Variants in MFF observed in about 807,000 individuals in gnomAD.
MFF encodes chromosome 2 open reading frame 33.
In MFF, 12 loss-of-function variants were observed where a neutral mutation model predicts 36.9. That is an observed-to-expected ratio of 0.33 (90% CI 0.21 to 0.53). MFF has a LOEUF of 0.53. MFF is among the 20% of genes least tolerant of loss of function. The probability of loss-of-function intolerance (pLI) is 0.95; values close to 1 mark genes in which losing one functional copy is unlikely to be tolerated. For synonymous variants in MFF, 99 were observed against 126.2 expected (o/e 0.78, Z 1.44); for missense variants, 348 against 366.6 (o/e 0.95, Z 0.42).
chr2:227,336,830 C>T (rs6713443), intron 4 of MFF, among the ~76,000 whole-genome samples: 44,440 of 152,064 alleles, frequency 0.29, 7,385 homozygotes, highest in South Asian at 0.48. Flanking sequence ...TTATTGGTGC[C>T]CAGTTCAATT....
chr2:227,344,736 A>G (rs1389105159), intron 5 of MFF, among the ~76,000 whole-genome samples: 1 of 72,632 alleles, frequency 1.4e-5, no homozygotes, highest in African/African-American at 5.6e-5. Context: ...AAAAAAAAAA[A>G]ATACTCCCGA....
chr2:227,326,540 C>T (rs2074155666), intron 1 of MFF, among the ~76,000 whole-genome samples: 1 of 152,178 alleles, frequency 6.6e-6, no homozygotes, highest in Non-Finnish European at 1.5e-5. Context: ...TGTTCTCTCC[C>T]TTCCTGTCTG....
chr2:227,334,897 G>A (rs1016258248), intron 4 of MFF, among the ~76,000 whole-genome samples: 10 of 152,072 alleles, frequency 6.6e-5, no homozygotes, highest in Non-Finnish European at 8.8e-5. Context: ...GGCTGGGTGC[G>A]GTGGCTCATG....
intron 1 of MFF, among the ~76,000 whole-genome samples, chr2:227,328,374 C>T (rs2074329626): frequency 1.4e-5 from 2 of 146,238 alleles, no homozygotes; most frequent in African/African-American, 2.6e-5. Flanking sequence ...CATATATATA[C>T]GTAAGTATTA....
chr2:227,343,361 A>C (rs571149882), intron 5 of MFF, among the ~76,000 whole-genome samples: 1 of 152,280 alleles, frequency 6.6e-6, no homozygotes, highest in South Asian at 2.1e-4. Context: ...TGACTCACTC[A>C]TGGAGCACAA....
chr2:227,335,808 G>T (rs1046834208), intron 4 of MFF, among the ~76,000 whole-genome samples: 9 of 152,190 alleles, frequency 5.9e-5, no homozygotes, highest in African/African-American at 2.2e-4. Flanking sequence ...GTGAGGCTTG[G>T]CTGGAAGAGA....
chr2:227,354,241 A>G (rs2076149368), intron 7 of MFF, among the ~76,000 whole-genome samples: 2 of 152,224 alleles, frequency 1.3e-5, no homozygotes, highest in Admixed American at 1.3e-4. Context: ...TACTTTTAAC[A>G]ATATTTAAAA....
chr2:227,357,330 G>T lies in MFF; in HGVS notation c.*213G>T. ...GTATTCACGTCTGAGCAGTTCTGCA[G>T]TAACACCTGCTTAAAATTCTCCCTT... On this transcript the variant is annotated 3_prime_UTR_variant, in exon 9 of 9. Coordinates refer to ENST00000304593, the MANE Select transcript of MFF (RefSeq NM_001277062.2). 2.5e-6 allele frequency: 1 copy of T among 406,156 alleles called. No homozygotes were observed. Among genetic ancestry groups the T allele is most frequent in the Non-Finnish European group, 4.3e-6 (1 of 230,944 alleles). 25.2% of individuals were successfully genotyped at this position (406,156 alleles called of 1,614,324 possible).
chr2:227,345,888 A>C (rs139554734), intron 5 of MFF, among the ~76,000 whole-genome samples: 1 of 152,152 alleles, frequency 6.6e-6, no homozygotes, highest in Non-Finnish European at 1.5e-5. Flanking sequence ...CCTAAATCCT[A>C]TAGTGAATCA....
At position 227,356,053 on chromosome 2, in the gene MFF, T is replaced by C. The variant is rs7560053; in HGVS notation, c.744+292T>C. Among the ~76,000 whole-genome samples the C allele has an allele frequency of 0.68, 103,266 of 152,122 alleles. 35,331 individuals carry two copies. Among genetic ancestry groups the C allele is most frequent in the African/African-American group, 0.77 (31,993 of 41,516 alleles). On this transcript the variant is annotated intron_variant, in intron 8 of 8. Coordinates refer to ENST00000304593, the MANE Select transcript of MFF (RefSeq NM_001277062.2). ...TTTGGCTTTTGAAATGTGGAACAAT[T>C]ACTTTGGAACCTTTGTTACTGTGTT...
intron 5 of MFF, among the ~76,000 whole-genome samples, chr2:227,345,114 T>A (rs2075640303): frequency 6.6e-6 from 1 of 152,218 alleles, no homozygotes; most frequent in Admixed American, 6.5e-5. Flanking sequence ...GAAGTAAGTT[T>A]ATGTTTGACT....
intron 5 of MFF, among the ~76,000 whole-genome samples, chr2:227,345,111 G>C (rs574994750): frequency 1.3e-5 from 2 of 152,270 alleles, no homozygotes; most frequent in East Asian, 3.9e-4. Flanking sequence ...TCTGAAGTAA[G>C]TTTATGTTTG....
At chr2:227,329,452 C>A (rs2074409889) in intron 2 of MFF, 1 of 311,582 alleles carries the variant, frequency 3.2e-6, no homozygotes, top group African/African-American at 2.3e-5. Flanking sequence ...TAGAAAAACT[C>A]TTCTTAGGAT....
intron 4 of MFF, among the ~76,000 whole-genome samples, chr2:227,335,090 G>A (rs1039385644): frequency 3.3e-5 from 5 of 149,414 alleles, no homozygotes; most frequent in Non-Finnish European, 7.4e-5. Flanking sequence ...AGAATCACTT[G>A]AACCCCGGGG....
intron 2 of MFF, chr2:227,329,863 C>T (rs1311233730): frequency 1.1e-6 from 1 of 882,398 alleles, no homozygotes; most frequent in Admixed American, 2.4e-5. Context: ...CGTAGGCTAA[C>T]CATGCTCTTT....
intron 5 of MFF, among the ~76,000 whole-genome samples, chr2:227,342,410 A>G (rs1189407026): frequency 6.6e-6 from 1 of 152,168 alleles, no homozygotes; most frequent in East Asian, 1.9e-4. Flanking sequence ...TGAGGAAAAA[A>G]CAATTGATAT....
At chr2:227,339,259 C>A (rs1423896226) in intron 4 of MFF, among the ~76,000 whole-genome samples, 1 of 151,870 alleles carries the variant, frequency 6.6e-6, no homozygotes, top group Non-Finnish European at 1.5e-5. Flanking sequence ...TATCACTGTT[C>A]TAGTTATCCA....
At position 227,355,572 on chromosome 2, in the gene MFF, A is replaced by G. The variant is rs56310237; in HGVS notation, c.660-105A>G. Reference sequence around the variant, plus strand: ...TAGTAATTCATATTATTAAGTACCAATTTTCTGAATACTACTTTGAGCATT... The same window carrying G: ...TAGTAATTCATATTATTAAGTACCAGTTTTCTGAATACTACTTTGAGCATT... On this transcript the variant is annotated intron_variant, in intron 7 of 8. Transcript: ENST00000304593. The G allele has an allele frequency of 0.22, 129,096 of 576,904 alleles. 16,688 individuals carry two copies. The highest frequency in any genetic ancestry group is 0.47 in the African/African-American group (24,581 of 52,844). 35.7% of individuals were successfully genotyped at this position (576,904 alleles called of 1,614,324 possible). A position where few individuals can be genotyped will look rare whatever the true frequency, so the allele number is the denominator to read the frequency against.
At chr2:227,332,062 C>G (rs1448672744) in intron 3 of MFF, among the ~76,000 whole-genome samples, 1 of 144,914 alleles carries the variant, frequency 6.9e-6, no homozygotes, top group East Asian at 2.0e-4. Flanking sequence ...AGCTCCGCCT[C>G]CCGGGTTCAC....
Sources: gnomAD v4.1 joint callset for allele counts (sites outside exome capture counted in the v4.1 genomes callset) on GRCh38, gnomAD v4.1.1 for gene constraint, MANE v1.5 for transcripts, NCBI Gene and HGNC (gene_info 2026-07-23, HGNC 2026-07-21) for gene names.